CACNB3: variants seen among roughly 807,000 people sequenced by gnomAD.
The protein encoded by CACNB3 is calcium voltage-gated channel auxiliary subunit beta 3.
Under a neutral mutation model 63.7 loss-of-function variants are expected in CACNB3, and 36 were observed. The ratio of observed to expected loss-of-function variants is 0.57; its 90% CI spans 0.43 to 0.75. CACNB3 has a LOEUF of 0.75. CACNB3 is among the 30% of genes least tolerant of loss of function. The pLI, the probability that CACNB3 is intolerant of heterozygous loss-of-function variation, is 0.00. For missense variants in CACNB3, 493 were observed against 648.6 expected, an observed-to-expected ratio of 0.76 and a Z score of 2.61; for synonymous variants, 241 against 250.6, an observed-to-expected ratio of 0.96 and a Z score of 0.36.
rs1331857741 is a variant in CACNB3, at chr12:48,825,368, G to A, written c.574-66G>A. ...GTGTATGTGGAGCGCATTGACTCTGGGGCCATGCATGGGGAGGCTGCTTCT... is the reference window on the plus strand; with the variant it reads ...GTGTATGTGGAGCGCATTGACTCTGAGGCCATGCATGGGGAGGCTGCTTCT... On this transcript the variant is annotated intron_variant, in intron 7 of 12. Transcript: ENST00000301050. The surrounding 1 kb of genome is among the most constrained non-coding windows in gnomAD (Gnocchi z 4.5). The A allele has an allele frequency of 2.0e-5, 31 of 1,584,070 alleles. No individual in the cohort carries two copies. Among genetic ancestry groups the A allele is most frequent in the Non-Finnish European group, 2.3e-5 (26 of 1,152,910 alleles).
At position 48,818,546 on chromosome 12, in the gene CACNB3, C is replaced by G; in HGVS notation, c.-384C>G. The G allele has an allele frequency of 9.7e-7, 1 of 1,030,318 alleles. No homozygotes were observed. The highest frequency in any genetic ancestry group is 1.2e-6 in the Non-Finnish European group (1 of 859,716). The allele number at this position is 1,030,318 out of a possible 1,614,324, so 63.8% of individuals were successfully genotyped here. A position where few individuals can be genotyped will look rare whatever the true frequency, so the allele number is the denominator to read the frequency against. On this transcript the variant is annotated 5_prime_UTR_variant, in exon 1 of 13. Coordinates refer to ENST00000301050, the MANE Select transcript of CACNB3 (RefSeq NM_000725.4). This position sits in a 1 kb window ranked among gnomAD's most constrained non-coding sequence, Gnocchi z 4.3. Reference sequence around the variant, plus strand: ...CCGTAGGTGCTCGGGGACCCACCTTCCACCTAGCACGGGTTCGTTCCCCTC... The same window carrying G: ...CCGTAGGTGCTCGGGGACCCACCTTGCACCTAGCACGGGTTCGTTCCCCTC...
Position 48,828,203 on chromosome 12 carries a change from C to A in CACNB3, c.*304C>A. The A allele has an allele frequency of 2.2e-6, 1 of 462,726 alleles. No homozygotes were observed. The highest frequency in any genetic ancestry group is 4.0e-6 in the Non-Finnish European group (1 of 250,888). The allele number at this position is 462,726 out of a possible 1,614,324, so 28.7% of individuals were successfully genotyped here. On this transcript the variant is annotated 3_prime_UTR_variant, in exon 13 of 13. Transcript: ENST00000301050. ...TGCCCCACTGGGCAGTGCCCTCAGG[C>A]CAGGATCCCCTTAGCAGGGTCCTTC...
At chr12:48,815,712 C>T (rs1276358265), upstream of CACNB3, 34 of 1,509,152 alleles carry the variant, frequency 2.3e-5, no homozygotes, top group Non-Finnish European at 2.8e-5. Context: ...TCCAGTGCAA[C>T]CTTCCTGCTG....
rs752859390 is a variant in CACNB3 at position 48,825,740 on chromosome 12, T to C, written c.713T>C (p.Ile238Thr). ...AACAATCCGGGCAAGAGGACCATCATTGAGCGCTCCTCTGCCCGCTCCAGC... is the reference window on the plus strand; with the variant it reads ...AACAATCCGGGCAAGAGGACCATCACTGAGCGCTCCTCTGCCCGCTCCAGC... The part of the protein sequence containing the change: ...VLNNPGKRTI[I>T]ERSSARSSIA... Residue 238 changes from isoleucine to threonine, a missense_variant, in exon 9 of 13, where the codon ATT (isoleucine) becomes ACT (threonine). Ile to Thr is a moderately conservative substitution (Grantham distance 89). Transcript: ENST00000301050. The surrounding 1 kb of genome is among the most constrained non-coding windows in gnomAD (Gnocchi z 4.5). 2.0e-5 allele frequency: 32 copies of C among 1,613,966 alleles called. No homozygotes were observed. The highest frequency in any genetic ancestry group is 6.7e-5 in the Admixed American group (4 of 60,004).
intron 1 of CACNB3, chr12:48,819,609 G>A: frequency 2.3e-6 from 1 of 440,134 alleles, no homozygotes; most frequent in Admixed American, 2.5e-5. Context: ...GGGTAGGCCA[G>A]GTGACTGAGC....
chr12:48,814,796 G>A, upstream of CACNB3: 4 of 399,908 alleles, frequency 1.0e-5, no homozygotes, highest in South Asian at 2.8e-4. The surrounding 1 kb of genome is among the most constrained non-coding windows in gnomAD (Gnocchi z 6.9). Context: ...CTGCGGCCCC[G>A]GGACCGGACA....
In CACNB3 at chr12:48,827,741, TAC is replaced by T; in HGVS notation, c.1298_1299del (p.Tyr433SerfsTer16). The T allele has an allele frequency of 6.2e-7, 1 of 1,614,124 alleles. No homozygotes were observed. The highest frequency in any genetic ancestry group is 8.5e-7 in the Non-Finnish European group (1 of 1,180,018). On this transcript the variant is annotated frameshift_variant, in exon 13 of 13. Transcript: ENST00000301050. LOFTEE classifies it high-confidence loss of function. ...CCTGGAGGAGGACTATGCAGATGCC[TAC>T]CAGGACCTGTACCAGCCTCACCGCC... ...RHLEEDYADA[Y>X]QDLYQPHRQH...
intron 1 of CACNB3, chr12:48,819,512 C>T (rs996018605): frequency 3.1e-6 from 1 of 324,016 alleles, no homozygotes; most frequent in Non-Finnish European, 6.2e-6. Context: ...CCCTTCCACC[C>T]CCTCCATCTC....
Position 48,823,200 on chromosome 12 carries a change from A to C in CACNB3, c.46-144A>C, listed in dbSNP as rs189019240. The C allele has an allele frequency of 1.0e-6, 1 of 993,062 alleles. No homozygotes were observed. The highest frequency in any genetic ancestry group is 1.5e-6 in the Non-Finnish European group (1 of 676,860). The allele number at this position is 993,062 out of a possible 1,614,324, so 61.5% of individuals were successfully genotyped here. A position where few individuals can be genotyped will look rare whatever the true frequency, so the allele number is the denominator to read the frequency against. On this transcript the variant is annotated intron_variant, in intron 1 of 12. Coordinates refer to ENST00000301050, the MANE Select transcript of CACNB3 (RefSeq NM_000725.4). This position sits in a 1 kb window ranked among gnomAD's most constrained non-coding sequence, Gnocchi z 4.2. ...GAGGCACTGGGGCCCTTCTCAGGGG[A>C]TAGGAGGGGCCATAGGGACCCAGCT...
Position 48,828,207 on chromosome 12 carries a change from G to T in CACNB3, c.*308G>T. On this transcript the variant is annotated 3_prime_UTR_variant, in exon 13 of 13. Transcript: ENST00000301050. ...CCACTGGGCAGTGCCCTCAGGCCAG[G>T]ATCCCCTTAGCAGGGTCCTTCCCAC... is the stretch of plus-strand genomic sequence containing the variant. 1 of 455,562 alleles carries T rather than the reference G, an allele frequency of 2.2e-6. No homozygotes were observed. Among genetic ancestry groups the T allele is most frequent in the East Asian group, 4.2e-5 (1 of 23,804 alleles). 28.2% of individuals were successfully genotyped at this position (455,562 alleles called of 1,614,324 possible). A position where few individuals can be genotyped will look rare whatever the true frequency, so the allele number is the denominator to read the frequency against.
intron 4 of CACNB3, 29 bp downstream of exon 4, chr12:48,824,402 A>C: frequency 2.6e-6 from 4 of 1,546,814 alleles, no homozygotes; most frequent in Non-Finnish European, 3.5e-6. Flanking sequence ...GTCAGTAAAC[A>C]CACCCCAAAC....
chr12:48,826,893 CA>C lies in CACNB3; in HGVS notation c.990+40del, dbSNP rs1938168649. On this transcript the variant is annotated intron_variant, in intron 11 of 12. Transcript: ENST00000301050. The surrounding 1 kb of genome is among the most constrained non-coding windows in gnomAD (Gnocchi z 4.8). ...TCAGCTGCTCCTGTGCCCACTCCCC[CA>C]GGGCTGCGGCAGTGATAGAGATGGG... is the stretch of plus-strand genomic sequence containing the variant. 6.2e-7 allele frequency: 1 copy of C among 1,612,146 alleles called. No homozygotes were observed. The highest frequency in any genetic ancestry group is 8.5e-7 in the Non-Finnish European group (1 of 1,178,322).
chr12:48,822,197 G>A (rs1262712002), intron 1 of CACNB3, among the ~76,000 whole-genome samples: 1 of 152,058 alleles, frequency 6.6e-6, no homozygotes, highest in Non-Finnish European at 1.5e-5. Flanking sequence ...TCAGAATTGT[G>A]GGAAGTATCA....
chr12:48,823,921 C>T lies in CACNB3; in HGVS notation c.291+118C>T. On this transcript the variant is annotated intron_variant, in intron 3 of 12. Transcript: ENST00000301050. This position sits in a 1 kb window ranked among gnomAD's most constrained non-coding sequence, Gnocchi z 4.2. ...TTCCCCAAGCTAATCAGCTCTTCTC[C>T]TTAACACACACCTGTCCACCCCTCA... The T allele has an allele frequency of 7.7e-7, 1 of 1,301,586 alleles. No homozygotes were observed. Among genetic ancestry groups the T allele is most frequent in the Non-Finnish European group, 1.1e-6 (1 of 928,032 alleles). The allele number at this position is 1,301,586 out of a possible 1,614,324, so 80.6% of individuals were successfully genotyped here.
Position 48,818,934 on chromosome 12 carries a change from A to G in CACNB3, c.5A>G (p.Tyr2Cys), listed in dbSNP as rs759686097. 8 of 1,595,992 alleles carry G rather than the reference A, an allele frequency of 5.0e-6. No homozygotes were observed. The highest frequency in any genetic ancestry group is 3.4e-5 in the Admixed American group (2 of 58,128). M[Y>C]DDSYVPGFED... The stretch of plus-strand genomic sequence containing the variant: ...TCCCCCGACCCGGACTCCCCCATGT[A>G]TGACGACTCCTACGTGCCCGGGTTT... Residue 2 changes from tyrosine to cysteine, a missense_variant, in exon 1 of 13, where the codon TAT (tyrosine) becomes TGT (cysteine). Transcript: ENST00000301050. This position sits in a 1 kb window ranked among gnomAD's most constrained non-coding sequence, Gnocchi z 4.3.
At chr12:48,815,674 G>T (rs1592177561), upstream of CACNB3, 2 of 1,529,866 alleles carry the variant, frequency 1.3e-6, no homozygotes, top group Non-Finnish European at 8.7e-7. Context: ...GGGAGAGGCC[G>T]CTAGCCTGGT....
rs760752368 is a variant in CACNB3, at chr12:48,824,745, C to T, written c.472+12C>T. 3.7e-6 allele frequency: 6 copies of T among 1,613,334 alleles called. No homozygotes were observed. In the East Asian group the frequency reaches 1.3e-4, roughly 36 times the overall value. On this transcript the variant is annotated intron_variant, in intron 5 of 12. Coordinates refer to ENST00000301050, the MANE Select transcript of CACNB3 (RefSeq NM_000725.4). ...TCCGCCATCTCTAGGTAGCCTCCCC[C>T]CAACCCACCCATTTTGGGTAGGTGG...
Position 48,825,556 on chromosome 12 carries a change from G to T in CACNB3, c.632+64G>T. 1 of 1,593,584 alleles carries T rather than the reference G, an allele frequency of 6.3e-7. No homozygotes were observed. Among genetic ancestry groups the T allele is most frequent in the South Asian group, 1.1e-5 (1 of 90,642 alleles). On this transcript the variant is annotated intron_variant, in intron 8 of 12. Coordinates refer to ENST00000301050, the MANE Select transcript of CACNB3 (RefSeq NM_000725.4). The surrounding 1 kb of genome is among the most constrained non-coding windows in gnomAD (Gnocchi z 4.5). ...AGAAGCTCATGGCCTACTTCCAGAT[G>T]CCTGTAGCTAGTCTTCTCTAAGGGA... is the stretch of plus-strand genomic sequence containing the variant.
In CACNB3 at chr12:48,818,659, A is replaced by C; in HGVS notation, c.-271A>C. The C allele has an allele frequency of 1.3e-5, 14 of 1,109,802 alleles. No individual in the cohort carries two copies. The highest frequency in any genetic ancestry group is 8.5e-5 in the Admixed American group (1 of 11,808). 68.7% of individuals were successfully genotyped at this position (1,109,802 alleles called of 1,614,324 possible). A position where few individuals can be genotyped will look rare whatever the true frequency, so the allele number is the denominator to read the frequency against. Reference sequence around the variant, plus strand: ...GGAGGGGGTCAGGTGGGCGGGCACTATTGTTGTAGGAGCCGGCGCCAGATT... The same window carrying C: ...GGAGGGGGTCAGGTGGGCGGGCACTCTTGTTGTAGGAGCCGGCGCCAGATT... On this transcript the variant is annotated 5_prime_UTR_variant, in exon 1 of 13. Transcript: ENST00000301050. The surrounding 1 kb of genome is among the most constrained non-coding windows in gnomAD (Gnocchi z 4.3).
Sources: allele counts gnomAD v4.1 joint callset (sites outside exome capture counted in the v4.1 genomes callset), GRCh38; gene constraint gnomAD v4.1.1; non-coding constraint Gnocchi (gnomAD v3.1); transcripts MANE v1.5; gene names NCBI Gene and HGNC (gene_info 2026-07-23, HGNC 2026-07-21).